CETP: variants seen among roughly 807,000 people sequenced by gnomAD.
The protein encoded by CETP is cholesteryl ester transfer protein.
In CETP, 56 loss-of-function variants were observed where a neutral mutation model predicts 66.5. The ratio of observed to expected loss-of-function variants is 0.84; its 90% CI spans 0.68 to 1.05. The LOEUF (loss-of-function observed/expected upper bound fraction) is 1.05, where lower values mean the gene tolerates loss of function less well. Ranked by LOEUF, CETP falls within the 50% of genes least tolerant of loss-of-function variation. The pLI is 0.00. For synonymous variants in CETP, 251 were observed against 245.7 expected, an observed-to-expected ratio of 1.02 and a Z score of -0.20; for missense variants, 612 against 609.6, an observed-to-expected ratio of 1.00 and a Z score of -0.04.
chr16:56,966,451 T>C (rs556684046), intron 2 of CETP, among the ~76,000 whole-genome samples: 1 of 152,272 alleles, frequency 6.6e-6, no homozygotes, highest in African/African-American at 2.4e-5. Context: ...TTTCCCACTG[T>C]CCCTTCTCAC....
chr16:56,973,235 TGGGCTGAATGCTG>T (rs2056125539), intron 8 of CETP, 83 bp from the exon 9 acceptor site: 1 of 1,327,360 alleles, frequency 7.5e-7, no homozygotes, highest in South Asian at 1.2e-5. Context: ...ATCTGCACTC[TGGGCTGAATGCTG>T]GGGCTCCTCC....
chr16:56,982,685 G>A (rs1288415825), intron 14 of CETP, among the ~76,000 whole-genome samples: 1 of 152,172 alleles, frequency 6.6e-6, no homozygotes, highest in Non-Finnish European at 1.5e-5. Context: ...GACTCGGATG[G>A]TAGACTCTCA....
Position 56,971,993 on chromosome 16 carries a change from C to T in CETP, c.660C>T (p.Ala220=). 1.9e-6 allele frequency: 3 copies of T among 1,614,040 alleles called. No individual in the cohort carries two copies. Among genetic ancestry groups the T allele is most frequent in the Non-Finnish European group, 2.5e-6 (3 of 1,179,932 alleles). ...TGCGTTGATCTTTTCCTCCTGCAGCCAGCATCCTTTCAGATGGAGACATTG... is the reference window on the plus strand; with the variant it reads ...TGCGTTGATCTTTTCCTCCTGCAGCTAGCATCCTTTCAGATGGAGACATTG... ...IMADFVQTRA[A]SILSDGDIGV... is the part of the protein sequence containing the mutation. The change falls in exon 8 of 16, where the codon GCC becomes GCT. Residue 220 remains alanine, a splice_region_variant and synonymous_variant. Transcript: ENST00000200676.
chr16:56,979,843 C>T (rs750130316), intron 11 of CETP, among the ~76,000 whole-genome samples: 9 of 152,134 alleles, frequency 5.9e-5, no homozygotes, highest in South Asian at 2.1e-4. Context: ...AAGACAAGAG[C>T]GATACAATCA....
chr16:56,979,792 C>T (rs1393126199), intron 11 of CETP, among the ~76,000 whole-genome samples: 1 of 152,122 alleles, frequency 6.6e-6, no homozygotes, highest in Non-Finnish European at 1.5e-5. Context: ...CAGGCATGAG[C>T]CACTGTGCTC....
At chr16:56,983,267 G>T in intron 14 of CETP, 59 bp from the exon 15 acceptor site, 1 of 1,442,788 alleles carries the variant, frequency 6.9e-7, no homozygotes. Flanking sequence ...GGGTGGCAGA[G>T]CCTCGGGCCG....
chr16:56,966,519 T>C (rs2056067411), intron 2 of CETP, among the ~76,000 whole-genome samples: 1 of 152,216 alleles, frequency 6.6e-6, no homozygotes, highest in Non-Finnish European at 1.5e-5. Context: ...AAATGCACCC[T>C]GTGCTGTTCT....
intron 2 of CETP, among the ~76,000 whole-genome samples, 185 bp from the exon 3 acceptor site, chr16:56,969,201 A>G (rs1162052250): frequency 6.6e-6 from 1 of 152,068 alleles, no homozygotes; most frequent in African/African-American, 2.4e-5. Context: ...TATGGGTAAC[A>G]CGAGTTGAGT....
intron 2 of CETP, 68 bp downstream of exon 2, chr16:56,963,192 C>G: frequency 7.6e-7 from 1 of 1,315,480 alleles, no homozygotes; most frequent in Non-Finnish European, 1.1e-6. Flanking sequence ...GGGGCTTGCC[C>G]CCAGCCCACA....
At chr16:56,962,578 A>G (rs1217937348) in intron 1 of CETP, among the ~76,000 whole-genome samples, 1 of 152,074 alleles carries the variant, frequency 6.6e-6, no homozygotes, top group Non-Finnish European at 1.5e-5. Flanking sequence ...TCTCTTGCTC[A>G]ATATAATAAG....
chr16:56,974,881 A>G (rs905707861), intron 9 of CETP, among the ~76,000 whole-genome samples: 3 of 152,202 alleles, frequency 2.0e-5, no homozygotes, highest in African/African-American at 7.2e-5. Context: ...GTCACACAGC[A>G]TGTGTGGGGC....
chr16:56,979,974 T>C (rs1416599632), intron 11 of CETP, among the ~76,000 whole-genome samples: 1 of 152,240 alleles, frequency 6.6e-6, no homozygotes, highest in Non-Finnish European at 1.5e-5. Flanking sequence ...TATTTTTAAA[T>C]AAATTTTTTA....
intron 2 of CETP, among the ~76,000 whole-genome samples, chr16:56,968,204 T>C (rs1270418887): frequency 6.6e-6 from 1 of 152,020 alleles, no homozygotes; most frequent in Non-Finnish European, 1.5e-5. Context: ...ATTTTTTTTT[T>C]GGCGACAGTC....
Position 56,969,904 on chromosome 16 carries a change from C to A in CETP, c.440-10C>A. 1 of 1,613,682 alleles carries A rather than the reference C, an allele frequency of 6.2e-7. No homozygotes were observed. The highest frequency in any genetic ancestry group is 8.5e-7 in the Non-Finnish European group (1 of 1,179,774). On this transcript the variant is annotated splice_polypyrimidine_tract_variant and intron_variant, in intron 4 of 15. Coordinates refer to ENST00000200676, the MANE Select transcript of CETP (RefSeq NM_000078.3). ...AGGCTGCCCTGAGGTCATGTCGGGTCTCCCTGCAGCCTGTGACTCTGGTAG... is the reference window on the plus strand; with the variant it reads ...AGGCTGCCCTGAGGTCATGTCGGGTATCCCTGCAGCCTGTGACTCTGGTAG...
At chr16:56,963,830 G>A (rs545303204) in intron 2 of CETP, among the ~76,000 whole-genome samples, 13 of 151,776 alleles carry the variant, frequency 8.6e-5, no homozygotes, top group East Asian at 1.9e-4. Flanking sequence ...CACCACATCC[G>A]CGTAATTTTT....
rs1337603614 is a variant in CETP, at chr16:56,978,208, T to C, written c.1099T>C (p.Phe367Leu). The C allele has an allele frequency of 6.2e-7, 1 of 1,614,092 alleles. No homozygotes were observed. The highest frequency in any genetic ancestry group is 8.5e-7 in the Non-Finnish European group (1 of 1,180,038). The change falls in exon 11 of 16, where the codon TTT becomes CTT. Residue 367 changes from phenylalanine to leucine, a missense_variant. Physicochemically the swap from Phe to Leu is conservative, Grantham distance 22. Coordinates refer to ENST00000200676, the MANE Select transcript of CETP (RefSeq NM_000078.3). ...TTCTTCAGTGATGGTGAAATTCCTC[T>C]TTCCACGCCCAGACCAGCAACATTC... ...VNSSVMVKFL[F>L]PRPDQQHSVA...
intron 10 of CETP, among the ~76,000 whole-genome samples, chr16:56,975,784 C>T (rs1210016354): frequency 1.3e-5 from 2 of 152,050 alleles, no homozygotes; most frequent in African/African-American, 4.8e-5. Context: ...CCCTGCCATC[C>T]TCAAATCTCC....
chr16:56,967,823 A>G (rs2056078840), intron 2 of CETP, among the ~76,000 whole-genome samples: 1 of 151,984 alleles, frequency 6.6e-6, no homozygotes, highest in Non-Finnish European at 1.5e-5. Flanking sequence ...AAAATTAGCC[A>G]GGCAGTGTTG....
At chr16:56,977,705 A>G (rs573057256) in intron 10 of CETP, among the ~76,000 whole-genome samples, 1 of 152,044 alleles carries the variant, frequency 6.6e-6, no homozygotes, top group African/African-American at 2.4e-5. Context: ...GAGGGTTACC[A>G]TGCAGTAGGT....
Sources: allele counts gnomAD v4.1 joint callset (sites outside exome capture counted in the v4.1 genomes callset), GRCh38; gene constraint gnomAD v4.1.1; transcripts MANE v1.5; gene names NCBI Gene and HGNC (gene_info 2026-07-23, HGNC 2026-07-21).